The following ESRRB variants were observed in gnomAD, a reference collection of about 807,000 sequenced individuals.
ESRRB encodes the protein steroid hormone receptor ERR2.
Under a neutral mutation model 46.0 loss-of-function variants are expected in ESRRB, and 16 were observed. The observed-to-expected ratio is 0.35, with a 90% CI of 0.24 to 0.53. The LOEUF is 0.53. Among genes scored for constraint, ESRRB ranks in the 20% least tolerant of loss-of-function variants. ESRRB has a pLI of 0.93. For missense variants in ESRRB, 488 were observed against 607.4 expected (o/e 0.80, Z 2.07); for synonymous variants, 246 against 259.6 (o/e 0.95, Z 0.50).
At chr14:76,478,705 GA>G (rs1889682286) in intron 3 of ESRRB, among the ~76,000 whole-genome samples, 1 of 152,106 alleles carries the variant, frequency 6.6e-6, no homozygotes, top group Non-Finnish European at 1.5e-5. Flanking sequence ...AGGGGAAGCA[GA>G]ACTTGGTGGA....
intron 1 of ESRRB, among the ~76,000 whole-genome samples, chr14:76,321,666 T>A (rs1206355878): frequency 1.3e-5 from 2 of 152,152 alleles, no homozygotes; most frequent in African/African-American, 4.8e-5. Flanking sequence ...CTTCTGTGTG[T>A]GGGAGAAGGA....
chr14:76,499,727 C>T lies in ESRRB; in HGVS notation c.*1269C>T, dbSNP rs905913269. The T allele has an allele frequency of 7.6e-6, 6 of 790,666 alleles. No homozygotes were observed. The highest frequency in any genetic ancestry group is 1.1e-5 in the Non-Finnish European group (5 of 451,526). 49.0% of individuals were successfully genotyped at this position (790,666 alleles called of 1,614,324 possible). On this transcript the variant is annotated 3_prime_UTR_variant, in exon 7 of 7. Coordinates refer to ENST00000644823, the MANE Select transcript of ESRRB (RefSeq NM_001379180.1). ...CAGGTAACCAACCGTCTTGGTTTGTCCAGGACGTTTCTTTATCCCAGGAAA... is the reference window on the plus strand; with the variant it reads ...CAGGTAACCAACCGTCTTGGTTTGTTCAGGACGTTTCTTTATCCCAGGAAA...
In ESRRB at chr14:76,316,961, C is replaced by T. The variant is rs370188411; in HGVS notation, c.2+6045C>T. ...TCTAGCTGTTCAAACTCTGTAGGGC[C>T]CCCTGTGCTCCTCTTCTTGCTTTAA... is the stretch of plus-strand genomic sequence containing the variant. On this transcript the variant is annotated intron_variant, in intron 1 of 6. Transcript: ENST00000512784. 1.9e-4 allele frequency among the ~76,000 whole-genome samples: 29 copies of T among 152,138 alleles called. No homozygotes were observed. In the East Asian group the frequency reaches 2.1e-3, roughly 11 times the overall value.
At chr14:76,493,570 G>A (rs1890310110) in intron 6 of ESRRB, among the ~76,000 whole-genome samples, 1 of 152,202 alleles carries the variant, frequency 6.6e-6, no homozygotes, top group African/African-American at 2.4e-5. Context: ...TAATGATAGA[G>A]GATACAAAGT....
intron 1 of ESRRB, among the ~76,000 whole-genome samples, chr14:76,319,817 G>A (rs916391108): frequency 6.6e-6 from 1 of 152,150 alleles, no homozygotes; most frequent in Admixed American, 6.5e-5. Flanking sequence ...AACAGAGCCA[G>A]TGTTAACCTA....
At position 76,499,080 on chromosome 14, in the gene ESRRB, C is replaced by G. The variant is rs1037129589; in HGVS notation, c.*622C>G. The stretch of plus-strand genomic sequence containing the variant: ...GCTCAAGTGCTTCCTGGGCACCCCA[C>G]CCCTCGGGGCCTACCCCCCTGCCTG... On this transcript the variant is annotated 3_prime_UTR_variant, in exon 7 of 7. Coordinates refer to ENST00000644823, the MANE Select transcript of ESRRB (RefSeq NM_001379180.1). 2 of 334,176 alleles carry G rather than the reference C, an allele frequency of 6.0e-6. No homozygotes were observed. Among genetic ancestry groups the G allele is most frequent in the African/African-American group, 2.2e-5 (1 of 46,050 alleles). The allele number at this position is 334,176 out of a possible 1,614,324, so 20.7% of individuals were successfully genotyped here. A position where few individuals can be genotyped will look rare whatever the true frequency, so the allele number is the denominator to read the frequency against.
chr14:76,396,170 T>G, intron 1 of ESRRB, among the ~76,000 whole-genome samples: 1 of 143,374 alleles, frequency 7.0e-6, no homozygotes. Flanking sequence ...AGACTCCGTA[T>G]CAAACAAAAA....
chr14:76,313,137 C>T (rs57914026), intron 1 of ESRRB, among the ~76,000 whole-genome samples: 3,873 of 151,862 alleles, frequency 0.026, 163 homozygotes, highest in African/African-American at 0.087. Flanking sequence ...CTTGTCTGAC[C>T]GTGTGATAGA....
At chr14:76,498,151 T>C (rs2140062701) in intron 6 of ESRRB, 63 bp from the exon 7 acceptor site, 1 of 1,606,410 alleles carries the variant, frequency 6.2e-7, no homozygotes, top group Middle Eastern at 1.7e-4. Context: ...GACCCCAAGA[T>C]GGCCCCCACA....
chr14:76,429,085 A>G (rs1010967515), intron 1 of ESRRB, among the ~76,000 whole-genome samples: 5 of 152,076 alleles, frequency 3.3e-5, no homozygotes, highest in African/African-American at 1.2e-4. Flanking sequence ...TGGCACCACC[A>G]CAGAGACGGG....
At chr14:76,449,603 A>G (rs1254938255) in intron 2 of ESRRB, among the ~76,000 whole-genome samples, 7 of 151,884 alleles carry the variant, frequency 4.6e-5, no homozygotes, top group Non-Finnish European at 8.8e-5. Context: ...GTAGTGATTC[A>G]CTCAGGCAAG....
At chr14:76,478,590 A>G (rs1282023152) in intron 3 of ESRRB, among the ~76,000 whole-genome samples, 2 of 151,940 alleles carry the variant, frequency 1.3e-5, no homozygotes, top group Non-Finnish European at 2.9e-5. Context: ...AGGAGAGTAT[A>G]TGTTTAAGAT....
chr14:76,353,025 C>A (rs959199373), intron 1 of ESRRB, among the ~76,000 whole-genome samples: 1 of 152,242 alleles, frequency 6.6e-6, no homozygotes, highest in East Asian at 1.9e-4. Flanking sequence ...ACAGGCACGT[C>A]CCGTGGCCAC....
intron 1 of ESRRB, among the ~76,000 whole-genome samples, chr14:76,396,292 G>A (rs1885678930): frequency 6.6e-6 from 1 of 152,106 alleles, no homozygotes; most frequent in Admixed American, 6.5e-5. Flanking sequence ...TCAAGTAGCT[G>A]GACAGTGGAT....
At chr14:76,383,670 T>A (rs2139805373) in intron 1 of ESRRB, among the ~76,000 whole-genome samples, 1 of 152,262 alleles carries the variant, frequency 6.6e-6, no homozygotes, top group East Asian at 1.9e-4. Context: ...GTGTGTGGTC[T>A]GCCTGAGTGT....
chr14:76,473,195 G>A (rs1889441531), intron 3 of ESRRB, among the ~76,000 whole-genome samples: 1 of 152,202 alleles, frequency 6.6e-6, no homozygotes, highest in Non-Finnish European at 1.5e-5. Flanking sequence ...ATCTTGCATG[G>A]AACTAATCAT....
chr14:76,385,637 G>A (rs1037558595), intron 1 of ESRRB, among the ~76,000 whole-genome samples: 12 of 152,116 alleles, frequency 7.9e-5, no homozygotes, highest in East Asian at 1.9e-4. Flanking sequence ...TGACTGTTAC[G>A]GGGTTCCTAC....
intron 3 of ESRRB, among the ~76,000 whole-genome samples, chr14:76,468,400 C>A (rs1158465049): frequency 2.0e-5 from 2 of 102,466 alleles, no homozygotes; most frequent in Admixed American, 1.0e-4. Context: ...GCCCCCCCCC[C>A]AACACCACCA....
chr14:76,364,467 T>A (rs976917779), intron 1 of ESRRB, among the ~76,000 whole-genome samples: 2 of 152,192 alleles, frequency 1.3e-5, no homozygotes, highest in African/African-American at 4.8e-5. Context: ...GGTGGGTGGA[T>A]CACCTGAGAT....
Sources: gnomAD v4.1 joint callset for allele counts (sites outside exome capture counted in the v4.1 genomes callset) on GRCh38, gnomAD v4.1.1 for gene constraint, MANE v1.5 for transcripts, NCBI Gene and HGNC (gene_info 2026-07-23, HGNC 2026-07-21) for gene names.